The following CNTNAP4 variants were observed in gnomAD, a reference collection of about 807,000 sequenced individuals.
CNTNAP4 encodes contactin associated protein family member 4.
In CNTNAP4, 98 loss-of-function variants were observed where a neutral mutation model predicts 148.4. That is an observed-to-expected ratio of 0.66 (90% CI 0.56 to 0.78). The LOEUF is 0.78. CNTNAP4 is among the 30% of genes least tolerant of loss of function. CNTNAP4 has a pLI of 0.00. For synonymous variants in CNTNAP4, 730 were observed against 565.1 expected (o/e 1.29, Z -4.14); for missense variants, 1,935 against 1,565.6 (o/e 1.24, Z -3.98).
At chr16:76,312,985 A>T (rs1346490869) in intron 1 of CNTNAP4, among the ~76,000 whole-genome samples, 1 of 152,168 alleles carries the variant, frequency 6.6e-6, no homozygotes, top group East Asian at 1.9e-4. Context: ...GGGCAGGTGT[A>T]TGCCCATGGT....
intron 21 of CNTNAP4, among the ~76,000 whole-genome samples, chr16:76,551,659 G>T (rs1276641733): frequency 6.6e-6 from 1 of 152,016 alleles, no homozygotes; most frequent in Non-Finnish European, 1.5e-5. Flanking sequence ...GAACTTAACT[G>T]TTCCATTTGT....
intron 2 of CNTNAP4, among the ~76,000 whole-genome samples, chr16:76,354,098 C>G (rs1394868429): frequency 6.6e-6 from 1 of 152,080 alleles, no homozygotes; most frequent in East Asian, 1.9e-4. Flanking sequence ...AGAAAATGTG[C>G]TAACATTCTT....
chr16:76,487,012 A>T (rs961488380), intron 12 of CNTNAP4, among the ~76,000 whole-genome samples: 4 of 152,202 alleles, frequency 2.6e-5, no homozygotes, highest in Admixed American at 2.0e-4. Context: ...TAGGTAGTAG[A>T]TAGATCATAA....
At chr16:76,342,631 C>G (rs1303491132) in intron 2 of CNTNAP4, among the ~76,000 whole-genome samples, 9 of 152,010 alleles carry the variant, frequency 5.9e-5, no homozygotes, top group Non-Finnish European at 7.4e-5. Context: ...CGCCACCACG[C>G]TTGGCTAATT....
At chr16:76,342,229 TA>T (rs1158286065) in intron 2 of CNTNAP4, among the ~76,000 whole-genome samples, 1 of 152,140 alleles carries the variant, frequency 6.6e-6, no homozygotes, top group African/African-American at 2.4e-5. Flanking sequence ...TAAAGGAGCA[TA>T]AAATGCTAGA....
chr16:76,287,983 T>C (rs752310441), intron 1 of CNTNAP4, among the ~76,000 whole-genome samples: 1 of 152,066 alleles, frequency 6.6e-6, no homozygotes, highest in Non-Finnish European at 1.5e-5. Context: ...CTTTCCACTT[T>C]TGTCTGTCTT....
intron 6 of CNTNAP4, 123 bp from the exon 7 acceptor site, chr16:76,449,592 T>C (rs1253659972): frequency 5.8e-6 from 4 of 688,566 alleles, no homozygotes; most frequent in Non-Finnish European, 8.8e-6. Context: ...TTAATTTTTG[T>C]GTGTGTAGGG....
chr16:76,528,228 T>C (rs552801992), intron 17 of CNTNAP4, among the ~76,000 whole-genome samples: 94 of 152,298 alleles, frequency 6.2e-4, no homozygotes, highest in Non-Finnish European at 1.0e-3. Flanking sequence ...TCTATGTTGG[T>C]AATATTTATT....
chr16:76,382,160 A>G (rs2016051077), intron 3 of CNTNAP4, among the ~76,000 whole-genome samples: 2 of 151,412 alleles, frequency 1.3e-5, no homozygotes, highest in South Asian at 4.2e-4. Context: ...TTTTTTTAAC[A>G]TGCCTTGTTT....
At chr16:76,540,606 C>T (rs955086172) in intron 20 of CNTNAP4, 97 bp from the exon 21 acceptor site, 83 of 826,064 alleles carry the variant, frequency 1.0e-4, no homozygotes, top group Non-Finnish European at 1.5e-4. Context: ...CTAACAACTG[C>T]TTAATGTATC....
At position 76,308,920 on chromosome 16, in the gene CNTNAP4, G is replaced by C. The variant is rs559318058; in HGVS notation, c.86-7493G>C. Among the ~76,000 whole-genome samples, 13 of 151,936 alleles carry C rather than the reference G, an allele frequency of 8.6e-5. No homozygotes were observed. In the South Asian group the frequency reaches 2.5e-3, roughly 29 times the overall value. ...GCTCAGGGCAGCCTCGAACTCCTGG[G>C]CTCAAGAGACCCTCCTGCCTCAGCC... On this transcript the variant is annotated intron_variant, in intron 1 of 23. Coordinates refer to ENST00000611870, the MANE Select transcript of CNTNAP4 (RefSeq NM_033401.5).
At chr16:76,481,944 G>A (rs1179751331) in intron 12 of CNTNAP4, among the ~76,000 whole-genome samples, 1 of 152,024 alleles carries the variant, frequency 6.6e-6, no homozygotes, top group Admixed American at 6.6e-5. Context: ...TCATGACAAT[G>A]TTGTAAGACC....
At chr16:76,533,056 A>G (rs1366515024) in intron 17 of CNTNAP4, among the ~76,000 whole-genome samples, 3 of 152,206 alleles carry the variant, frequency 2.0e-5, no homozygotes, top group Non-Finnish European at 4.4e-5. Context: ...TTGCAACACT[A>G]TTGACAATAG....
intron 15 of CNTNAP4, among the ~76,000 whole-genome samples, chr16:76,503,435 C>G (rs2082725831): frequency 6.6e-6 from 1 of 152,136 alleles, no homozygotes; most frequent in South Asian, 2.1e-4. Flanking sequence ...TTACAGGTAA[C>G]ATGACTTTCT....
At chr16:76,300,445 T>C (rs1959836985) in intron 1 of CNTNAP4, among the ~76,000 whole-genome samples, 1 of 152,038 alleles carries the variant, frequency 6.6e-6, no homozygotes, top group African/African-American at 2.4e-5. Flanking sequence ...AAATACCTAA[T>C]GTAGATGATG....
chr16:76,560,190 A>T lies in CNTNAP4; in HGVS notation c.*1507A>T, dbSNP rs2085361421. 6.6e-6 allele frequency among the ~76,000 whole-genome samples: 1 copy of T among 152,204 alleles called. No homozygotes were observed. The highest frequency in any genetic ancestry group is 1.5e-5 in the Non-Finnish European group (1 of 68,026). On this transcript the variant is annotated 3_prime_UTR_variant, in exon 24 of 24. Coordinates refer to ENST00000611870, the MANE Select transcript of CNTNAP4 (RefSeq NM_033401.5). Reference sequence around the variant, plus strand: ...TCACACCTTCAAGTGCCTCCCAAGTAACTATTGGATTTCTTAGTTTGTCTA... The same window carrying T: ...TCACACCTTCAAGTGCCTCCCAAGTTACTATTGGATTTCTTAGTTTGTCTA...
At chr16:76,434,922 A>T (rs1259833390) in intron 4 of CNTNAP4, among the ~76,000 whole-genome samples, 2 of 152,130 alleles carry the variant, frequency 1.3e-5, no homozygotes, top group Admixed American at 1.3e-4. Flanking sequence ...CCCCTACTTT[A>T]ACTGGAGCAC....
In CNTNAP4 at chr16:76,532,295, G is replaced by A. The variant is rs116701605; in HGVS notation, c.2756-3250G>A. Among the ~76,000 whole-genome samples, 709 of 152,284 alleles carry A rather than the reference G, an allele frequency of 4.7e-3. 4 individuals carry two copies. Among genetic ancestry groups the A allele is most frequent in the African/African-American group, 0.017 (689 of 41,554 alleles). Reference sequence around the variant, plus strand: ...CCTTGGAATGGAAGGCTATCTGTGGGTCTGAATCCTGCCTCTGCCTCTAAC... The same window carrying A: ...CCTTGGAATGGAAGGCTATCTGTGGATCTGAATCCTGCCTCTGCCTCTAAC... On this transcript the variant is annotated intron_variant, in intron 17 of 23. Transcript: ENST00000611870.
intron 10 of CNTNAP4, chr16:76,469,728 G>A (rs1243508901): frequency 2.0e-5 from 3 of 152,146 alleles, no homozygotes; most frequent in African/African-American, 7.2e-5. Flanking sequence ...CCTTAAAAAT[G>A]CTTTTCAGAA....
Sources: allele counts gnomAD v4.1 joint callset (sites outside exome capture counted in the v4.1 genomes callset), GRCh38; gene constraint gnomAD v4.1.1; transcripts MANE v1.5; gene names NCBI Gene and HGNC (gene_info 2026-07-23, HGNC 2026-07-21).